The following TAF15 variants were observed in gnomAD, a reference collection of about 807,000 sequenced individuals.
The protein encoded by TAF15 is TATA-box binding protein associated factor 15.
TAF15 carries 37 observed loss-of-function variants against 102.5 expected under a neutral mutation model. That is an observed-to-expected ratio of 0.36 (90% CI 0.28 to 0.47). The LOEUF (loss-of-function observed/expected upper bound fraction) is 0.47. TAF15 is among the 20% of genes least tolerant of loss of function. The pLI, the probability that TAF15 is intolerant of heterozygous loss-of-function variation, is 0.99. For synonymous variants in TAF15, 273 were observed against 259.2 expected (o/e 1.05, Z -0.51); for missense variants, 652 against 760.7 (o/e 0.86, Z 1.68).
intron 1 of TAF15, chr17:35,811,186 A>G (rs1468952177): frequency 2.6e-5 from 4 of 152,168 alleles, no homozygotes; most frequent in Admixed American, 6.5e-5. Flanking sequence ...TAACATAATT[A>G]TTGATATAAA....
At chr17:35,834,334 A>G (rs767188261) in intron 8 of TAF15, 4 of 524,050 alleles carry the variant, frequency 7.6e-6, no homozygotes, top group South Asian at 2.7e-5. Context: ...GCATAATGCT[A>G]AAGTGGCAGG....
At position 35,820,321 on chromosome 17, in the gene TAF15, C is replaced by T. The variant is rs2087243791; in HGVS notation, c.185-11C>T. ...AGCCTTCACTAAATGATATACTCAT[C>T]TAATCTTTAGGTTATTCACAGTCCT... On this transcript the variant is annotated splice_polypyrimidine_tract_variant and intron_variant, in intron 4 of 15. Coordinates refer to ENST00000605844, the MANE Select transcript of TAF15 (RefSeq NM_139215.3). 6.2e-7 allele frequency: 1 copy of T among 1,613,664 alleles called. No individual in the cohort carries two copies.
At chr17:35,846,220 G>A (rs1250886213) in intron 15 of TAF15, among the ~76,000 whole-genome samples, 1 of 152,208 alleles carries the variant, frequency 6.6e-6, no homozygotes, top group Admixed American at 6.5e-5. Flanking sequence ...CCACTTATTA[G>A]CTGTGTGATC....
intron 5 of TAF15, among the ~76,000 whole-genome samples, chr17:35,821,428 A>C (rs554091406): frequency 6.6e-6 from 1 of 152,324 alleles, no homozygotes; most frequent in African/African-American, 2.4e-5. Flanking sequence ...CTGAAAAGAA[A>C]TGTTAAGTTT....
rs2087606639 is a variant in TAF15, at chr17:35,844,989, G to A, written c.1690G>A (p.Gly564Arg). 1 of 1,612,190 alleles carries A rather than the reference G, an allele frequency of 6.2e-7. No homozygotes were observed. The highest frequency in any genetic ancestry group is 2.2e-5 in the East Asian group (1 of 44,796). ...TGGCGGCTATGGAGGAGACCGAGGT[G>A]GGGGCTACGGAGGAGACCGAGGTGG... ...SGGGYGGDRG[G>R]GYGGDRGGYG... The change falls in exon 15 of 16, where the codon GGG becomes AGG. Residue 564 changes from glycine to arginine, a missense_variant. Around this residue, in one of 3 missense-constraint regions of TAF15, gnomAD observed 368 missense variants for 367.5 expected, o/e 1.00. Coordinates refer to ENST00000605844, the MANE Select transcript of TAF15 (RefSeq NM_139215.3).
chr17:35,846,798 T>C, intron 15 of TAF15, 108 bp from the exon 16 acceptor site: 1 of 1,154,066 alleles, frequency 8.7e-7, no homozygotes, highest in Non-Finnish European at 1.3e-6. Flanking sequence ...TGTCATTCTT[T>C]AGAAATTGTC....
intron 7 of TAF15, among the ~76,000 whole-genome samples, chr17:35,825,574 C>G (rs923558655): frequency 6.6e-6 from 1 of 152,168 alleles, no homozygotes; most frequent in African/African-American, 2.4e-5. Context: ...ATTACAGTTA[C>G]ATCCTAATCG....
At position 35,836,037 on chromosome 17, in the gene TAF15, T is replaced by G. The variant is rs1476975690; in HGVS notation, c.674-95T>G. 4 of 862,560 alleles carry G rather than the reference T, an allele frequency of 4.6e-6. No homozygotes were observed. The African/African-American group carries it at 6.7e-5, about 15-fold the overall frequency. 53.4% of individuals were successfully genotyped at this position (862,560 alleles called of 1,614,324 possible). A position where few individuals can be genotyped will look rare whatever the true frequency, so the allele number is the denominator to read the frequency against. ...CCTTTCCTTTTGGTCATAGAAACAA[T>G]TGAATATTGGACAATAAATTATTGT... is the stretch of plus-strand genomic sequence containing the variant. On this transcript the variant is annotated intron_variant, in intron 9 of 15. Coordinates refer to ENST00000605844, the MANE Select transcript of TAF15 (RefSeq NM_139215.3).
At position 35,835,044 on chromosome 17, in the gene TAF15, G is replaced by A. The variant is rs139820785; in HGVS notation, c.673+446G>A. Among the ~76,000 whole-genome samples, 1,299 of 152,074 alleles carry A rather than the reference G, an allele frequency of 8.5e-3. 23 individuals carry two copies. Among genetic ancestry groups the A allele is most frequent in the African/African-American group, 0.029 (1,219 of 41,476 alleles). On this transcript the variant is annotated intron_variant, in intron 9 of 15. Coordinates refer to ENST00000605844, the MANE Select transcript of TAF15 (RefSeq NM_139215.3). ...CAGGTGTGAGCCACCACGCCCGGCT[G>A]GGGAGCTTTATTTCTAAAGAAGTGT...
chr17:35,818,142 C>G (rs890151903), intron 2 of TAF15, among the ~76,000 whole-genome samples: 10 of 152,084 alleles, frequency 6.6e-5, no homozygotes, highest in African/African-American at 2.4e-4. Flanking sequence ...TTCGCCCAGG[C>G]TGGAGTGCAG....
chr17:35,827,204 C>T (rs1047285908), intron 7 of TAF15, among the ~76,000 whole-genome samples: 4 of 151,758 alleles, frequency 2.6e-5, no homozygotes, highest in African/African-American at 4.8e-5. Context: ...GGTGTGGTGG[C>T]GGGCTCCTGT....
chr17:35,839,537 A>G (rs899130754), intron 11 of TAF15, among the ~76,000 whole-genome samples: 1 of 151,610 alleles, frequency 6.6e-6, no homozygotes, highest in African/African-American at 2.4e-5. Flanking sequence ...GCCCGCCACC[A>G]CGCCCTGCTA....
intron 7 of TAF15, among the ~76,000 whole-genome samples, chr17:35,828,716 TGGGCAA>T: frequency 6.6e-6 from 1 of 151,272 alleles, no homozygotes; most frequent in African/African-American, 2.4e-5. Context: ...CACTCCAGTC[TGGGCAA>T]TAGTGAGTCG....
At chr17:35,841,136 A>C (rs2087538039) in intron 11 of TAF15, among the ~76,000 whole-genome samples, 1 of 152,200 alleles carries the variant, frequency 6.6e-6, no homozygotes, top group Non-Finnish European at 1.5e-5. Flanking sequence ...CTTATTTACT[A>C]CTATTTTTTA....
intron 9 of TAF15, among the ~76,000 whole-genome samples, chr17:35,835,632 A>G (rs1195224564): frequency 6.6e-6 from 1 of 152,240 alleles, no homozygotes; most frequent in Non-Finnish European, 1.5e-5. Context: ...TAACATGTAC[A>G]AGGTGCCTCC....
At chr17:35,812,765 C>T (rs897839504) in intron 1 of TAF15, among the ~76,000 whole-genome samples, 7 of 152,094 alleles carry the variant, frequency 4.6e-5, no homozygotes, top group Middle Eastern at 3.4e-3. Context: ...GAGCCTCTAA[C>T]AGATTATCTG....
At chr17:35,840,562 C>G (rs896058440) in intron 11 of TAF15, among the ~76,000 whole-genome samples, 1 of 150,046 alleles carries the variant, frequency 6.7e-6, no homozygotes, top group African/African-American at 2.4e-5. Flanking sequence ...AGCTCTTTTA[C>G]TTCTTTAAAG....
In TAF15 at chr17:35,832,781, T is replaced by C. The variant is rs1257730675; in HGVS notation, c.606-1126T>C. Among the ~76,000 whole-genome samples the C allele has an allele frequency of 2.0e-5, 3 of 151,846 alleles. No individual in the cohort carries two copies. In the South Asian group the frequency reaches 6.2e-4, roughly 32 times the overall value. ...TTTTATTGGATGGGTATTTAAAGAG[T>C]TTCTTGATAAGAGAGACCTTAGATT... On this transcript the variant is annotated intron_variant, in intron 7 of 15. Coordinates refer to ENST00000605844, the MANE Select transcript of TAF15 (RefSeq NM_139215.3).
chr17:35,845,901 CAA>C (rs1358922749), intron 15 of TAF15, among the ~76,000 whole-genome samples: 3 of 152,152 alleles, frequency 2.0e-5, no homozygotes, highest in African/African-American at 4.8e-5. Context: ...CTGTGTAAAT[CAA>C]GAGTTCCTAA....
Sources: gnomAD v4.1 joint callset for allele counts (sites outside exome capture counted in the v4.1 genomes callset) on GRCh38, gnomAD v4.1.1 for gene constraint, gnomAD v4.1.1 regional missense constraint, MANE v1.5 for transcripts, NCBI Gene and HGNC (gene_info 2026-07-23, HGNC 2026-07-21) for gene names.